Variants in DNER observed in about 807,000 individuals in gnomAD.
DNER encodes the protein delta/notch like EGF repeat containing.
DNER carries 33 observed loss-of-function variants against 78.2 expected under a neutral mutation model. The ratio of observed to expected loss-of-function variants is 0.42; its 90% CI spans 0.32 to 0.56. DNER has a LOEUF of 0.56. Ranked by LOEUF, DNER falls within the 20% of genes least tolerant of loss-of-function variation. The pLI is 0.11. For synonymous variants in DNER, 417 were observed against 384.8 expected (o/e 1.08, Z -0.98); for missense variants, 918 against 975.3 (o/e 0.94, Z 0.78).
chr2:229,563,777 A>G (rs1452618159), intron 4 of DNER, among the ~76,000 whole-genome samples: 1 of 147,756 alleles, frequency 6.8e-6, no homozygotes, highest in African/African-American at 2.5e-5. Flanking sequence ...CATCTCCATC[A>G]TCATCAACAT....
Position 229,592,153 on chromosome 2 carries a change from C to T in DNER, c.277-265G>A, listed in dbSNP as rs551961932. Among the ~76,000 whole-genome samples the T allele has an allele frequency of 1.4e-4, 21 of 152,250 alleles. 1 individual carries two copies. The South Asian group carries it at 4.2e-3, about 30-fold the overall frequency. On this transcript the variant is annotated intron_variant, in intron 1 of 12. Coordinates refer to ENST00000341772, the MANE Select transcript of DNER (RefSeq NM_139072.4). Reference sequence around the variant, plus strand: ...CAAAACCCAAAACACCCAATAATGTCGATTTCAGTAACCAGTTATTTAGAG... The same window carrying T: ...CAAAACCCAAAACACCCAATAATGTTGATTTCAGTAACCAGTTATTTAGAG...
At chr2:229,501,850 T>C (rs1030650079) in intron 6 of DNER, among the ~76,000 whole-genome samples, 4 of 152,210 alleles carry the variant, frequency 2.6e-5, no homozygotes, top group Non-Finnish European at 4.4e-5. Context: ...GCAATTTTCC[T>C]ATGGAAAAAT....
At position 229,446,021 on chromosome 2, in the gene DNER, T is replaced by C. The variant is rs1357811676; in HGVS notation, c.1486+1295A>G. Among the ~76,000 whole-genome samples, 3 of 152,244 alleles carry C rather than the reference T, an allele frequency of 2.0e-5. No individual in the cohort carries two copies. In the East Asian group the frequency reaches 5.8e-4, roughly 29 times the overall value. On this transcript the variant is annotated intron_variant, in intron 8 of 12. Coordinates refer to ENST00000341772, the MANE Select transcript of DNER (RefSeq NM_139072.4). ...TGAGTTATTCGTTGAGTATGAGACA[T>C]GCCCTTTGGAAGTTCCAGGCCAGGC...
At chr2:229,485,858 G>A (rs1353761677) in intron 6 of DNER, among the ~76,000 whole-genome samples, 1 of 152,108 alleles carries the variant, frequency 6.6e-6, no homozygotes, top group Admixed American at 6.5e-5. Flanking sequence ...GGCTCTCTAA[G>A]GCAGAGTCTA....
intron 8 of DNER, among the ~76,000 whole-genome samples, chr2:229,447,083 A>T (rs1022778708): frequency 6.6e-6 from 1 of 152,216 alleles, no homozygotes; most frequent in Non-Finnish European, 1.5e-5. Flanking sequence ...ATGATGAAAG[A>T]GTATTTTTTT....
At chr2:229,608,255 T>A (rs769886747) in intron 1 of DNER, among the ~76,000 whole-genome samples, 1 of 152,146 alleles carries the variant, frequency 6.6e-6, no homozygotes, top group Non-Finnish European at 1.5e-5. Flanking sequence ...ATGTGGCCCA[T>A]CACCCAATTT....
intron 1 of DNER, among the ~76,000 whole-genome samples, chr2:229,594,594 A>AC (rs1559176998): frequency 9.3e-4 from 141 of 151,270 alleles, no homozygotes; most frequent in Middle Eastern, 6.8e-3. Context: ...CTCAAAAAAA[A>AC]AAAACAAAAC....
chr2:229,462,723 C>CA lies in DNER; in HGVS notation c.1261+14416_1261+14417insT, dbSNP rs535423430. Among the ~76,000 whole-genome samples, 499 of 152,172 alleles carry CA rather than the reference C, an allele frequency of 3.3e-3. 3 individuals are homozygous for CA. Among genetic ancestry groups the CA allele is most frequent in the African/African-American group, 0.011 (474 of 41,454 alleles). On this transcript the variant is annotated intron_variant, in intron 7 of 12. Transcript: ENST00000341772. ...ATATTATCATGACTTCCAGTAATTC[C>CA]TAGAATAAAATTTGACCTCCTTTCC...
In DNER at chr2:229,595,985, C is replaced by CT. The variant is rs34618390; in HGVS notation, c.277-4098dup. Among the ~76,000 whole-genome samples, 18 of 150,164 alleles carry CT rather than the reference C, an allele frequency of 1.2e-4. No homozygotes were observed. The East Asian group carries it at 1.4e-3, about 11-fold the overall frequency. On this transcript the variant is annotated intron_variant, in intron 1 of 12. Transcript: ENST00000341772. ...CTGACGTTTGACCCTTCTTTCCTTG[C>CT]TTTTTTTTTTCTAAAATATCCATCA...
At chr2:229,615,051 G>A (rs549437343) in intron 1 of DNER, among the ~76,000 whole-genome samples, 18,754 of 151,980 alleles carry the variant, frequency 0.12, 3,817 homozygotes, top group African/African-American at 0.43. Flanking sequence ...TCAAGGCAGG[G>A]AAGCTGGTGA....
chr2:229,358,503 AG>A lies in DNER; in HGVS notation c.*36del, dbSNP rs1574802978. The stretch of plus-strand genomic sequence containing the variant: ...TTCTTAAAAATATTTAAATGAGTGT[AG>A]TATCTCATCTTTTTGAAAAATAATC... On this transcript the variant is annotated 3_prime_UTR_variant, in exon 13 of 13. Transcript: ENST00000341772. 13 of 1,477,788 alleles carry A rather than the reference AG, an allele frequency of 8.8e-6. No individual in the cohort carries two copies. In the East Asian group the frequency reaches 3.0e-4, roughly 34 times the overall value. The allele number at this position is 1,477,788 out of a possible 1,614,324, so 91.5% of individuals were successfully genotyped here.
At chr2:229,422,632 T>G (rs1414444240) in intron 8 of DNER, among the ~76,000 whole-genome samples, 1 of 151,984 alleles carries the variant, frequency 6.6e-6, no homozygotes, top group Non-Finnish European at 1.5e-5. Context: ...CAGTTTAACT[T>G]TGGACGTGTT....
intron 1 of DNER, among the ~76,000 whole-genome samples, chr2:229,707,392 G>T (rs902284192): frequency 1.3e-5 from 2 of 152,110 alleles, no homozygotes; most frequent in Non-Finnish European, 2.9e-5. Flanking sequence ...TAGAGCTACT[G>T]CAAAGCATTT....
intron 4 of DNER, among the ~76,000 whole-genome samples, chr2:229,554,900 GAGAAGAGAAGAGAA>G (rs1696823034): frequency 1.6e-4 from 15 of 92,210 alleles, no homozygotes; most frequent in Admixed American, 2.5e-4. Context: ...GAGAAGAGAA[GAGAAGAGAAGAGAA>G]GAGAAGAGAA....
intron 11 of DNER, among the ~76,000 whole-genome samples, chr2:229,369,155 A>G (rs1692419202): frequency 6.6e-6 from 1 of 152,126 alleles, no homozygotes; most frequent in African/African-American, 2.4e-5. Context: ...TGAGTTAGGA[A>G]ACATGTTTTT....
At chr2:229,668,562 A>G (rs1462495643) in intron 1 of DNER, among the ~76,000 whole-genome samples, 12 of 126,526 alleles carry the variant, frequency 9.5e-5, no homozygotes, top group Admixed American at 8.4e-4. Flanking sequence ...ATATATATAT[A>G]TATATATATA....
intron 1 of DNER, among the ~76,000 whole-genome samples, chr2:229,647,564 G>C (rs1294543968): frequency 1.3e-5 from 2 of 152,178 alleles, no homozygotes; most frequent in African/African-American, 4.8e-5. Context: ...ATATGGTAAA[G>C]ATGTATTCAG....
intron 5 of DNER, among the ~76,000 whole-genome samples, chr2:229,539,125 C>G (rs1696466506): frequency 6.6e-6 from 1 of 152,158 alleles, no homozygotes; most frequent in Non-Finnish European, 1.5e-5. Flanking sequence ...TCCTTTGATT[C>G]TTTGTGGGCT....
intron 6 of DNER, among the ~76,000 whole-genome samples, chr2:229,493,338 A>G (rs1695441709): frequency 6.6e-6 from 1 of 152,248 alleles, no homozygotes; most frequent in Admixed American, 6.5e-5. Context: ...TCTTTTCAGA[A>G]AAAGAAATAG....
Sources: allele counts gnomAD v4.1 joint callset (sites outside exome capture counted in the v4.1 genomes callset), GRCh38; gene constraint gnomAD v4.1.1; transcripts MANE v1.5; gene names NCBI Gene and HGNC (gene_info 2026-07-23, HGNC 2026-07-21).